The following ELAVL4 variants were observed in gnomAD, a reference collection of about 807,000 sequenced individuals.
ELAVL4 encodes the protein ELAV like RNA binding protein 4.
In ELAVL4, 1 loss-of-function variant was observed where a neutral mutation model predicts 35.6. That is an observed-to-expected ratio of 0.03 (90% confidence interval 0.01 to 0.13). ELAVL4 has a LOEUF of 0.13. Among genes scored for constraint, ELAVL4 ranks in the 10% least tolerant of loss-of-function variants. The pLI is 1.00. For synonymous variants in ELAVL4, 156 were observed against 171.0 expected (o/e 0.91, Z 0.69); for missense variants, 267 against 464.9 (o/e 0.57, Z 3.91).
rs536838711 is a variant in ELAVL4, at chr1:50,164,042, T to C, written c.251-13047T>C. Among the ~76,000 whole-genome samples, 86 of 152,270 alleles carry C rather than the reference T, an allele frequency of 5.6e-4. 1 individual carries two copies. The highest frequency in any genetic ancestry group is 1.9e-3 in the African/African-American group (79 of 41,554). ...CCGTAATGGGCCTTAATTTCCCCTTTAGTAAAACAGATATCAAAATACCTG... is the reference window on the plus strand; with the variant it reads ...CCGTAATGGGCCTTAATTTCCCCTTCAGTAAAACAGATATCAAAATACCTG... On this transcript the variant is annotated intron_variant, in intron 2 of 6. Transcript: ENST00000371824.
chr1:50,181,293 CAA>C (rs1443546782), intron 3 of ELAVL4: 1 of 152,266 alleles, frequency 6.6e-6, no homozygotes, highest in Non-Finnish European at 1.5e-5. Context: ...AAAAAGCAAA[CAA>C]ATGAATTGTG....
chr1:50,171,618 T>C (rs1015473305), intron 2 of ELAVL4, among the ~76,000 whole-genome samples: 2 of 152,222 alleles, frequency 1.3e-5, no homozygotes, highest in African/African-American at 4.8e-5. Context: ...GATACTTTGA[T>C]TGTGAGAATT....
chr1:50,123,891 C>T (rs1202373103), intron 1 of ELAVL4, among the ~76,000 whole-genome samples: 1 of 152,100 alleles, frequency 6.6e-6, no homozygotes, highest in African/African-American at 2.4e-5. Flanking sequence ...TTAACACTGC[C>T]AGCATCATTC....
Position 50,144,967 on chromosome 1 carries a change from C to T in ELAVL4, c.20C>T (p.Thr7Ile). The T allele has an allele frequency of 1.2e-6, 2 of 1,613,592 alleles. No individual in the cohort carries two copies. The highest frequency in any genetic ancestry group is 1.1e-5 in the South Asian group (1 of 91,050). MVMIISTMEPQVSNGPT... is the reference protein window; with the variant it reads MVMIISIMEPQVSNGPT... The stretch of plus-strand genomic sequence containing the variant: ...TTTATTTTTATTTAGATAATTAGCA[C>T]CATGGAGCCTCAGGTGTCAAATGGT... The change falls in exon 2 of 7, where the codon ACC becomes ATC. Residue 7 changes from threonine (T) to isoleucine (I), a missense_variant. Around this residue, in one of 2 missense-constraint regions of ELAVL4, gnomAD observed 51 missense variants for 55.4 expected, o/e 0.92. Transcript: ENST00000371824.
At chr1:50,052,287 C>T (rs1663426418) in intron 1 of ELAVL4, among the ~76,000 whole-genome samples, 1 of 152,134 alleles carries the variant, frequency 6.6e-6, no homozygotes, top group South Asian at 2.1e-4. Context: ...CCAAAATACT[C>T]ATCATGTACC....
intron 2 of ELAVL4, among the ~76,000 whole-genome samples, chr1:50,172,410 T>C (rs1383295088): frequency 2.6e-5 from 4 of 152,218 alleles, no homozygotes; most frequent in African/African-American, 9.6e-5. Context: ...GTTATTATAA[T>C]AACATTTTAG....
At chr1:50,185,817 A>G (rs1452187032) in intron 3 of ELAVL4, among the ~76,000 whole-genome samples, 2 of 152,146 alleles carry the variant, frequency 1.3e-5, no homozygotes, top group Non-Finnish European at 2.9e-5. Flanking sequence ...AACATATATA[A>G]AAAGCTTTGT....
intron 1 of ELAVL4, among the ~76,000 whole-genome samples, chr1:50,079,270 C>A (rs531714866): frequency 1.4e-4 from 21 of 152,038 alleles, no homozygotes; most frequent in Non-Finnish European, 2.9e-4. Context: ...AAGTTGTATT[C>A]CCCAGGAAGT....
At chr1:50,057,748 T>A (rs775959476) in intron 1 of ELAVL4, among the ~76,000 whole-genome samples, 16 of 152,322 alleles carry the variant, frequency 1.1e-4, no homozygotes, top group South Asian at 4.1e-4. Context: ...CATTCTGTGA[T>A]GTTTGCATGA....
At chr1:50,104,643 A>G (rs1471523149), upstream of ELAVL4, among the ~76,000 whole-genome samples, 1 of 152,240 alleles carries the variant, frequency 6.6e-6, no homozygotes, top group Non-Finnish European at 1.5e-5. Context: ...TGTCCAGCCA[A>G]GAAAAGAAAA....
At chr1:50,161,040 T>G (rs756607719) in intron 2 of ELAVL4, among the ~76,000 whole-genome samples, 20 of 152,290 alleles carry the variant, frequency 1.3e-4, no homozygotes, top group Admixed American at 2.6e-4. Context: ...ACCTGATAAT[T>G]TTTTCTATCT....
intron 1 of ELAVL4, among the ~76,000 whole-genome samples, chr1:50,061,327 A>C (rs1663957997): frequency 6.6e-6 from 1 of 152,186 alleles, no homozygotes; most frequent in Non-Finnish European, 1.5e-5. Context: ...CAGTTAGGCT[A>C]TAGAGACCAT....
At chr1:50,190,188 C>T (rs1367394454) in intron 3 of ELAVL4, among the ~76,000 whole-genome samples, 1 of 152,206 alleles carries the variant, frequency 6.6e-6, no homozygotes, top group Non-Finnish European at 1.5e-5. Context: ...AAACAGGATC[C>T]TGACTGAGGC....
At position 50,080,533 on chromosome 1, in the gene ELAVL4, A is replaced by G. The variant is rs188416926; in HGVS notation, c.18+32351A>G. Among the ~76,000 whole-genome samples, 211 of 152,222 alleles carry G rather than the reference A, an allele frequency of 1.4e-3. 2 individuals are homozygous for G. The highest frequency in any genetic ancestry group is 2.3e-3 in the Non-Finnish European group (154 of 68,012). On this transcript the variant is annotated intron_variant, in intron 1 of 6. Coordinates refer to the ELAVL4 transcript ENST00000448907. Reference sequence around the variant, plus strand: ...ATATATGTGTATATATTTCTAACTCACAAATCTCATTGTGTCATTTCCCTG... The same window carrying G: ...ATATATGTGTATATATTTCTAACTCGCAAATCTCATTGTGTCATTTCCCTG...
intron 1 of ELAVL4, among the ~76,000 whole-genome samples, chr1:50,094,879 T>C (rs1322528756): frequency 1.3e-5 from 2 of 152,022 alleles, no homozygotes; most frequent in Non-Finnish European, 2.9e-5. Context: ...GCAGTGAGCC[T>C]AGATTGCACC....
rs1325738088 is a variant in ELAVL4 at position 50,197,460 on chromosome 1, G to A, written c.766G>A (p.Val256Ile). Reference protein sequence around the residue: ...LDNLLNMAYGVKRFSPITIDG... With the variant: ...LDNLLNMAYGIKRFSPITIDG... ...CAATTTGCTTAATATGGCCTATGGC[G>A]TAAAGAGGTAATTAAAACTCCACAG... The change falls in exon 6 of 7, where the codon GTA becomes ATA. Residue 256 changes from valine (V) to isoleucine (I), a missense_variant. Val to Ile is a conservative substitution (Grantham distance 29, BLOSUM62 3). This residue lies in a region of ELAVL4 where 216 missense variants were observed against 409.5 expected (regional missense o/e 0.53). Transcript: ENST00000371824. The A allele has an allele frequency of 1.3e-6, 2 of 1,581,080 alleles. No individual in the cohort carries two copies. The highest frequency in any genetic ancestry group is 1.4e-5 in the African/African-American group (1 of 72,722).
At chr1:50,067,206 A>T (rs1166240704) in intron 1 of ELAVL4, among the ~76,000 whole-genome samples, 2 of 152,198 alleles carry the variant, frequency 1.3e-5, no homozygotes, top group African/African-American at 4.8e-5. Context: ...TTAGTGGCCA[A>T]GTAATTCTTA....
intron 3 of ELAVL4, chr1:50,179,822 C>T (rs1335127618): frequency 1.3e-5 from 2 of 152,116 alleles, no homozygotes; most frequent in Non-Finnish European, 2.9e-5. Flanking sequence ...AATTCCAAAG[C>T]TGTGAAGGTT....
At chr1:50,172,527 G>A (rs1181582128) in intron 2 of ELAVL4, among the ~76,000 whole-genome samples, 1 of 152,006 alleles carries the variant, frequency 6.6e-6, no homozygotes, top group East Asian at 1.9e-4. Flanking sequence ...GGCCACTACT[G>A]CCTGTTTTTC....
Sources: allele counts gnomAD v4.1 joint callset (sites outside exome capture counted in the v4.1 genomes callset), GRCh38; gene constraint gnomAD v4.1.1; regional missense constraint gnomAD v4.1.1; transcripts MANE v1.5; gene names NCBI Gene and HGNC (gene_info 2026-07-23, HGNC 2026-07-21).